Variants in DIP2B observed in about 807,000 individuals in gnomAD.
DIP2B encodes the protein DIP2 acetate--CoA ligase B (putative).
A neutral mutation model predicts 198.0 loss-of-function variants in DIP2B; 76 were observed. The ratio of observed to expected loss-of-function variants is 0.38; its 90% CI spans 0.32 to 0.46. DIP2B has a LOEUF of 0.46. DIP2B is among the 20% of genes least tolerant of loss of function. The pLI, the probability that DIP2B is intolerant of heterozygous loss-of-function variation, is 0.99. For synonymous variants in DIP2B, 701 were observed against 739.1 expected, an observed-to-expected ratio of 0.95 and a Z score of 0.84; for missense variants, 1,559 against 1,978.4, an observed-to-expected ratio of 0.79 and a Z score of 4.02.
chr12:50,728,482 C>G lies in DIP2B; in HGVS notation c.3511-66C>G, dbSNP rs1939976880. The G allele has an allele frequency of 5.2e-6, 8 of 1,550,482 alleles. No individual in the cohort carries two copies. The Admixed American group carries it at 1.1e-4, about 21-fold the overall frequency. On this transcript the variant is annotated intron_variant, in intron 29 of 37. Coordinates refer to ENST00000301180, the MANE Select transcript of DIP2B (RefSeq NM_173602.3). ...GGGAATTGAAACTCCTCAAAGCTGT[C>G]GTCAGAGCTGTTACTCTGCCTGTGG...
At chr12:50,545,186 G>A (rs1958365304) in intron 1 of DIP2B, among the ~76,000 whole-genome samples, 1 of 152,128 alleles carries the variant, frequency 6.6e-6, no homozygotes, top group Non-Finnish European at 1.5e-5. Context: ...TAGGGTATGC[G>A]AATGTTCAGC....
At position 50,626,174 on chromosome 12, in the gene DIP2B, C is replaced by G. The variant is rs905691064; in HGVS notation, c.172+127C>G. On this transcript the variant is annotated intron_variant, in intron 2 of 37. Transcript: ENST00000301180. ...TTCCTCACCAGGGGAGAGAAAAAAA[C>G]GGAAGGAAAGAAAGGAGGAAATGAA... The G allele has an allele frequency of 3.2e-5, 30 of 940,948 alleles. No individual in the cohort carries two copies. The East Asian group carries it at 7.1e-4, about 22-fold the overall frequency. The allele number at this position is 940,948 out of a possible 1,614,324, so 58.3% of individuals were successfully genotyped here.
chr12:50,594,542 T>A (rs948888772), intron 1 of DIP2B, among the ~76,000 whole-genome samples: 1 of 152,216 alleles, frequency 6.6e-6, no homozygotes, highest in Non-Finnish European at 1.5e-5. Context: ...TCTTTAATTT[T>A]GTAAAGTCAA....
intron 1 of DIP2B, among the ~76,000 whole-genome samples, chr12:50,618,603 C>G (rs1461431161): frequency 6.6e-6 from 1 of 152,174 alleles, no homozygotes; most frequent in Non-Finnish European, 1.5e-5. Flanking sequence ...TGTTTAAGAG[C>G]AGGGGCTCTG....
chr12:50,651,117 T>C (rs573854336), intron 3 of DIP2B, among the ~76,000 whole-genome samples: 1 of 152,306 alleles, frequency 6.6e-6, no homozygotes, highest in East Asian at 1.9e-4. Context: ...CATATGATTG[T>C]TGGTTGTTTA....
At position 50,507,309 on chromosome 12, in the gene DIP2B, A is replaced by G. The variant is rs529758386; in HGVS notation, c.100+2069A>G. Reference sequence around the variant, plus strand: ...ATACAATTGAAAAACTTGGGCCTGCAGTGTCAGCATATTGGTCATCTTTCT... The same window carrying G: ...ATACAATTGAAAAACTTGGGCCTGCGGTGTCAGCATATTGGTCATCTTTCT... On this transcript the variant is annotated intron_variant, in intron 1 of 37. Coordinates refer to ENST00000301180, the MANE Select transcript of DIP2B (RefSeq NM_173602.3). Among the ~76,000 whole-genome samples the G allele has an allele frequency of 3.3e-5, 5 of 152,314 alleles. 1 individual carries two copies. Among genetic ancestry groups the G allele is most frequent in the South Asian group, 2.1e-4 (1 of 4,822 alleles).
intron 12 of DIP2B, 38 bp downstream of exon 12, chr12:50,686,720 C>T: frequency 1.3e-6 from 2 of 1,579,300 alleles, no homozygotes; most frequent in East Asian, 2.3e-5. Flanking sequence ...TCAGGCTTTT[C>T]CTTGGGCTTT....
At chr12:50,513,757 C>G (rs961906858) in intron 1 of DIP2B, among the ~76,000 whole-genome samples, 6 of 151,804 alleles carry the variant, frequency 4.0e-5, no homozygotes, top group African/African-American at 1.2e-4. Flanking sequence ...GCCTGTAATC[C>G]CAACTACTCG....
intron 4 of DIP2B, among the ~76,000 whole-genome samples, chr12:50,667,965 G>T (rs1013721859): frequency 6.6e-6 from 1 of 152,164 alleles, no homozygotes; most frequent in Non-Finnish European, 1.5e-5. Context: ...TGTCTTACAA[G>T]GCCCTTGGTG....
intron 1 of DIP2B, among the ~76,000 whole-genome samples, chr12:50,542,315 A>G (rs1239053856): frequency 2.0e-5 from 3 of 152,132 alleles, no homozygotes; most frequent in Admixed American, 2.0e-4. Context: ...AGAATGGGAA[A>G]AGGCTGCATT....
chr12:50,700,227 G>T (rs6580760), intron 19 of DIP2B, among the ~76,000 whole-genome samples: 2,766 of 152,264 alleles, frequency 0.018, 31 homozygotes, highest in Non-Finnish European at 0.031. Context: ...TTTCCTGCAG[G>T]CACTTCTGCA....
intron 1 of DIP2B, among the ~76,000 whole-genome samples, chr12:50,603,575 CA>C (rs1238199210): frequency 2.0e-5 from 3 of 152,000 alleles, no homozygotes; most frequent in Admixed American, 6.6e-5. Flanking sequence ...CCTACGTCTC[CA>C]AAAAACTAGC....
intron 2 of DIP2B, among the ~76,000 whole-genome samples, chr12:50,631,698 C>T (rs1316475357): frequency 6.6e-6 from 1 of 152,150 alleles, no homozygotes; most frequent in Non-Finnish European, 1.5e-5. Flanking sequence ...CTCCCAAAGT[C>T]CTTGGATTGC....
chr12:50,640,803 G>T lies in DIP2B; in HGVS notation c.252G>T (p.Lys84Asn), dbSNP rs1048808571. ...CAGCTCAAACTTCTGCTCCCTCTAA[G>T]TACCACCGAACTCGATCTGGGGGAG... is the stretch of plus-strand genomic sequence containing the variant. Reference protein sequence around the residue: ...PSAAQTSAPSKYHRTRSGGAR... With the variant: ...PSAAQTSAPSNYHRTRSGGAR... Residue 84 changes from lysine to asparagine, a missense_variant, in exon 3 of 38, where the codon AAG becomes AAT. By Grantham distance (94) the Lys-to-Asn change is moderately conservative. Transcript: ENST00000301180. 4.3e-6 allele frequency: 7 copies of T among 1,613,854 alleles called. No homozygotes were observed. Among genetic ancestry groups the T allele is most frequent in the African/African-American group, 1.3e-5 (1 of 74,908 alleles).
At chr12:50,707,117 T>C (rs1407220153) in intron 21 of DIP2B, among the ~76,000 whole-genome samples, 1 of 152,224 alleles carries the variant, frequency 6.6e-6, no homozygotes, top group Non-Finnish European at 1.5e-5. Context: ...TAGTGCATAA[T>C]TTCAAATTCC....
At chr12:50,706,473 G>A in intron 20 of DIP2B, 65 bp from the exon 21 acceptor site, 1 of 1,559,126 alleles carries the variant, frequency 6.4e-7, no homozygotes, top group South Asian at 1.2e-5. Context: ...AAGGCAGGAA[G>A]TTAAAAGATG....
At chr12:50,743,269 G>C (rs568365997) in intron 37 of DIP2B, among the ~76,000 whole-genome samples, 1 of 152,272 alleles carries the variant, frequency 6.6e-6, no homozygotes, top group East Asian at 1.9e-4. Flanking sequence ...TTTTAGTAGA[G>C]ACGGGGTTTC....
chr12:50,745,517 A>AC lies in DIP2B; in HGVS notation c.*678_*679insC. On this transcript the variant is annotated 3_prime_UTR_variant, in exon 38 of 38. Transcript: ENST00000301180. ...TTCAATATTCTCTTAATGTTGTGTAATTGATTAGGTAACTAAAAAGCGCAA... is the reference window on the plus strand; with the variant it reads ...TTCAATATTCTCTTAATGTTGTGTAACTTGATTAGGTAACTAAAAAGCGCAA... 6.6e-6 allele frequency: 1 copy of AC among 152,514 alleles called. No homozygotes were observed. The highest frequency in any genetic ancestry group is 6.5e-5 in the Admixed American group (1 of 15,306). 9.4% of individuals were successfully genotyped at this position (152,514 alleles called of 1,614,324 possible). A position where few individuals can be genotyped will look rare whatever the true frequency, so the allele number is the denominator to read the frequency against.
intron 1 of DIP2B, among the ~76,000 whole-genome samples, chr12:50,622,560 A>G (rs1163116666): frequency 6.6e-6 from 1 of 152,216 alleles, no homozygotes; most frequent in African/African-American, 2.4e-5. Flanking sequence ...AAACATGCAC[A>G]CTTTTCCAGT....
Sources: gnomAD v4.1 joint callset for allele counts (sites outside exome capture counted in the v4.1 genomes callset) on GRCh38, gnomAD v4.1.1 for gene constraint, MANE v1.5 for transcripts, NCBI Gene and HGNC (gene_info 2026-07-23, HGNC 2026-07-21) for gene names.